Variants in ACAD10 observed in about 807,000 individuals in gnomAD.
The protein encoded by ACAD10 is acyl-CoA dehydrogenase family member 10.
A neutral mutation model predicts 116.8 loss-of-function variants in ACAD10; 112 were observed. The ratio of observed to expected loss-of-function variants is 0.96; its 90% CI spans 0.82 to 1.12. The LOEUF is 1.12. Among genes scored for constraint, ACAD10 ranks in the 50% most tolerant of loss-of-function variants. The pLI, the probability that ACAD10 is intolerant of heterozygous loss-of-function variation, is 0.00. For missense variants in ACAD10, 1,259 were observed against 1,350.2 expected (o/e 0.93, Z 1.06); for synonymous variants, 486 against 510.6 (o/e 0.95, Z 0.65).
At position 111,747,177 on chromosome 12, in the gene ACAD10, C is replaced by T. The variant is rs144834684; in HGVS notation, c.2385C>T (p.Thr795=). The T allele has an allele frequency of 3.5e-5, 57 of 1,610,166 alleles. No homozygotes were observed. In the African/African-American group the frequency reaches 5.9e-4, roughly 17 times the overall value. Residue 795 remains threonine (T), a synonymous_variant, in exon 15 of 21, where the codon ACC becomes ACT. Coordinates refer to ENST00000313698, the MANE Select transcript of ACAD10 (RefSeq NM_025247.6). ...AAGCCCGCTCCTGTTTTGCTATGAC[C>T]GAGCCCCAGGTACGTCGCCTGGGCT... is the stretch of plus-strand genomic sequence containing the variant. The part of the protein sequence containing the change: ...EGKARSCFAM[T]EPQVASSDAT...
At chr12:111,712,979 T>C (rs1888731918) in intron 6 of ACAD10, among the ~76,000 whole-genome samples, 1 of 152,210 alleles carries the variant, frequency 6.6e-6, no homozygotes, top group African/African-American at 2.4e-5. Flanking sequence ...CAGTTTCTAA[T>C]GCTTTGAGAC....
intron 10 of ACAD10, among the ~76,000 whole-genome samples, chr12:111,732,536 G>A (rs1216624756): frequency 1.3e-5 from 2 of 152,114 alleles, no homozygotes; most frequent in Admixed American, 6.6e-5. Context: ...AAAAAAGCAC[G>A]TACAATATCT....
At chr12:111,710,167 G>A in intron 5 of ACAD10, 4 of 371,600 alleles carry the variant, frequency 1.1e-5, no homozygotes, top group South Asian at 7.7e-5. Flanking sequence ...ATAGCTCACT[G>A]TAGCCTCAAC....
intron 5 of ACAD10, chr12:111,710,032 C>T: frequency 3.0e-6 from 1 of 338,390 alleles, no homozygotes; most frequent in East Asian, 9.1e-5. Flanking sequence ...CCATGCAGCT[C>T]ACTGCTGTAA....
Position 111,744,954 on chromosome 12 carries a change from C to T in ACAD10, c.2026C>T (p.Gln676Ter), listed in dbSNP as rs1363038157. The T allele has an allele frequency of 6.2e-7, 1 of 1,614,042 alleles. No homozygotes were observed. Among genetic ancestry groups the T allele is most frequent in the African/African-American group, 1.3e-5 (1 of 74,926 alleles). The change falls in exon 13 of 21, where the codon CAA becomes TAA. Residue 676 changes from glutamine to a stop codon, truncating the protein, a stop_gained. Coordinates refer to ENST00000313698, the MANE Select transcript of ACAD10 (RefSeq NM_025247.6). LOFTEE classifies it high-confidence loss of function. ...TCACCGGCTGAAGCACTTCATGGAG[C>T]AACGTGTGTACCCTGCAGAGCCAGA... ...LYHRLKHFME[Q>*]RVYPAEPELQ...
At chr12:111,722,049 T>C (rs902763265) in intron 8 of ACAD10, 1 of 189,806 alleles carries the variant, frequency 5.3e-6, no homozygotes, top group South Asian at 1.6e-4. Flanking sequence ...TTTGTTTTGT[T>C]TTTTTGAGAC....
intron 11 of ACAD10, among the ~76,000 whole-genome samples, chr12:111,736,486 C>T (rs1053776605): frequency 6.6e-6 from 1 of 152,166 alleles, no homozygotes; most frequent in Non-Finnish European, 1.5e-5. Flanking sequence ...CCACTGTGCT[C>T]GACCTGAGAT....
chr12:111,735,155 C>T (rs1307236545), intron 11 of ACAD10, among the ~76,000 whole-genome samples: 3 of 149,604 alleles, frequency 2.0e-5, no homozygotes, highest in Non-Finnish European at 3.0e-5. Context: ...ACCCGGGAGG[C>T]GGAGCTTGCA....
chr12:111,732,855 C>T (rs1217673864), intron 10 of ACAD10, among the ~76,000 whole-genome samples: 2 of 152,220 alleles, frequency 1.3e-5, no homozygotes, highest in East Asian at 3.8e-4. Context: ...TTTGTCAGAA[C>T]TGAGTGGCTG....
intron 12 of ACAD10, among the ~76,000 whole-genome samples, chr12:111,741,973 T>A (rs1456642753): frequency 6.6e-6 from 1 of 152,178 alleles, no homozygotes; most frequent in Non-Finnish European, 1.5e-5. Context: ...ATTAACAGTA[T>A]GTACCTGCCC....
At chr12:111,714,586 C>A (rs575738694) in intron 6 of ACAD10, among the ~76,000 whole-genome samples, 1 of 150,538 alleles carries the variant, frequency 6.6e-6, no homozygotes, top group East Asian at 2.0e-4. Flanking sequence ...CGCTTGATCC[C>A]AGGAAGCAGA....
At chr12:111,693,635 A>G in intron 2 of ACAD10, among the ~76,000 whole-genome samples, 1 of 152,138 alleles carries the variant, frequency 6.6e-6, no homozygotes, top group East Asian at 1.9e-4. Context: ...CCTTTTGATT[A>G]CAGCCTTCCT....
At chr12:111,723,016 T>C (rs1889067174) in intron 8 of ACAD10, among the ~76,000 whole-genome samples, 2 of 136,658 alleles carry the variant, frequency 1.5e-5, no homozygotes, top group South Asian at 2.3e-4. Context: ...GGCGGGGGGC[T>C]GACCCCCCCC....
intron 4 of ACAD10, among the ~76,000 whole-genome samples, chr12:111,709,040 TTCTG>T (rs1391780208): frequency 6.6e-6 from 1 of 151,424 alleles, no homozygotes; most frequent in African/African-American, 2.4e-5. Context: ...AGTGTCTTCT[TTCTG>T]CAAAAAAAAA....
Position 111,746,174 on chromosome 12 carries a change from CT to C in ACAD10, c.2150del (p.Phe717SerfsTer4). On this transcript the variant is annotated frameshift_variant, in exon 14 of 21. Coordinates refer to ENST00000313698, the MANE Select transcript of ACAD10 (RefSeq NM_025247.6). LOFTEE classifies it high-confidence loss of function. ...AGCCAAAGCTGAAGGACTTTGGAAC[CT>C]TTTCCTACCCTTAGAGGCTGATCCC... Reference protein sequence around the residue: ...EKAKAEGLWNLFLPLEADPEK... With the variant: ...EKAKAEGLWNXFLPLEADPEK... 1 of 1,613,798 alleles carries C rather than the reference CT, an allele frequency of 6.2e-7. No individual in the cohort carries two copies. The highest frequency in any genetic ancestry group is 8.5e-7 in the Non-Finnish European group (1 of 1,179,938).
At position 111,756,917 on chromosome 12, in the gene ACAD10, G is replaced by A. The variant is rs968340327; in HGVS notation, c.*444G>A. 1.3e-5 allele frequency: 6 copies of A among 457,650 alleles called. No individual in the cohort carries two copies. The highest frequency in any genetic ancestry group is 4.0e-5 in the African/African-American group (2 of 50,182). The allele number at this position is 457,650 out of a possible 1,614,324, so 28.3% of individuals were successfully genotyped here. ...CCCTGGTGAGCAGAGGGGCGGCCAC[G>A]GCGGGCGGTGGCCTAGAGACCCAGG... On this transcript the variant is annotated 3_prime_UTR_variant, in exon 21 of 21. Coordinates refer to ENST00000313698, the MANE Select transcript of ACAD10 (RefSeq NM_025247.6).
At chr12:111,707,889 A>C (rs1342608180) in intron 4 of ACAD10, among the ~76,000 whole-genome samples, 2 of 152,120 alleles carry the variant, frequency 1.3e-5, no homozygotes, top group African/African-American at 2.4e-5. Context: ...GCTTTCATTG[A>C]GTATGTCTAG....
intron 11 of ACAD10, among the ~76,000 whole-genome samples, chr12:111,734,517 G>A (rs574559130): frequency 7.9e-5 from 12 of 152,164 alleles, no homozygotes; most frequent in African/African-American, 1.2e-4. Context: ...CCAGCTACTC[G>A]GGAGGCTGAG....
At chr12:111,737,843 T>G (rs763709335) in intron 12 of ACAD10, among the ~76,000 whole-genome samples, 8 of 146,810 alleles carry the variant, frequency 5.4e-5, no homozygotes, top group South Asian at 2.1e-4. Context: ...AATTTCTTGG[T>G]GTGTGTGTGT....
Sources: gnomAD v4.1 joint callset for allele counts (sites outside exome capture counted in the v4.1 genomes callset) on GRCh38, gnomAD v4.1.1 for gene constraint, MANE v1.5 for transcripts, NCBI Gene and HGNC (gene_info 2026-07-23, HGNC 2026-07-21) for gene names.